Variants in FBXO16 observed in about 807,000 individuals in gnomAD.
FBXO16 encodes F-box protein 16, also known as F-box only protein 16.
FBXO16 carries 31 observed loss-of-function variants against 41.0 expected under a neutral mutation model. That is an observed-to-expected ratio of 0.76 (90% CI 0.57 to 1.02). The LOEUF (loss-of-function observed/expected upper bound fraction) is 1.02, where lower values mean the gene tolerates loss of function less well. Ranked by LOEUF, FBXO16 falls within the 50% of genes least tolerant of loss-of-function variation. The pLI, the probability that FBXO16 is intolerant of heterozygous loss-of-function variation, is 0.00. For missense variants in FBXO16, 361 were observed against 346.2 expected (o/e 1.04, Z -0.34); for synonymous variants, 133 against 117.8 (o/e 1.13, Z -0.84).
chr8:28,452,498 T>C (rs752459879), intron 5 of FBXO16, 22 bp from the exon 6 acceptor site: 84 of 1,610,438 alleles, frequency 5.2e-5, no homozygotes, highest in Non-Finnish European at 6.8e-5. Flanking sequence ...AAGTTAATTA[T>C]GTTCTCAAAA....
chr8:28,475,969 A>T (rs1235204183), intron 2 of FBXO16, among the ~76,000 whole-genome samples: 2 of 152,230 alleles, frequency 1.3e-5, no homozygotes, highest in African/African-American at 4.8e-5. Flanking sequence ...CTGTGTGTTC[A>T]GCTCAACACT....
chr8:28,449,980 G>GAAA (rs1278726556), intron 6 of FBXO16, among the ~76,000 whole-genome samples: 1 of 82,406 alleles, frequency 1.2e-5, no homozygotes, highest in East Asian at 4.9e-4. Flanking sequence ...AAAAAAAAAA[G>GAAA]AAAAAAAAAA....
intron 3 of FBXO16, among the ~76,000 whole-genome samples, chr8:28,469,125 A>G (rs929020687): frequency 6.6e-6 from 1 of 151,892 alleles, no homozygotes; most frequent in Non-Finnish European, 1.5e-5. Context: ...CCTGACCAAC[A>G]TGGAGAAACC....
rs34429050 is a variant in FBXO16, at chr8:28,460,245, A to ATTT, written c.343-3318_343-3316dup. 3.6e-3 allele frequency among the ~76,000 whole-genome samples: 306 copies of ATTT among 85,448 alleles called. 16 individuals carry two copies. The highest frequency in any genetic ancestry group is 0.017 in the African/African-American group (272 of 15,820). The allele number at this position is 85,448 out of a possible 152,430, so 56.1% of individuals were successfully genotyped here. On this transcript the variant is annotated intron_variant, in intron 4 of 8. Coordinates refer to ENST00000380254, the MANE Select transcript of FBXO16 (RefSeq NM_172366.4). Reference sequence around the variant, plus strand: ...TGTGTGTATATATATATATATATATATTTTTTTTTTTTTTTTTTTTTGAGA... The same window carrying ATTT: ...TGTGTGTATATATATATATATATATATTTTTTTTTTTTTTTTTTTTTTTTGAGA...
At chr8:28,483,957 G>T (rs551221529) in intron 1 of FBXO16, among the ~76,000 whole-genome samples, 15 of 152,332 alleles carry the variant, frequency 9.8e-5, no homozygotes, top group South Asian at 6.2e-4. Context: ...CTCCTCAATG[G>T]AAGTGCACAA....
intron 7 of FBXO16, among the ~76,000 whole-genome samples, chr8:28,436,889 C>T (rs1461571004): frequency 1.3e-5 from 2 of 152,150 alleles, no homozygotes; most frequent in African/African-American, 4.8e-5. Context: ...GTAGCTGGGA[C>T]CACAGGTGTG....
chr8:28,473,552 G>C (rs7007215), intron 3 of FBXO16, among the ~76,000 whole-genome samples: 9,155 of 152,196 alleles, frequency 0.06, 338 homozygotes, highest in African/African-American at 0.1. Context: ...TCTATGAAGA[G>C]AGGCCTCAGC....
intron 4 of FBXO16, 58 bp from the exon 5 acceptor site, chr8:28,456,988 G>A: frequency 1.3e-6 from 2 of 1,547,988 alleles, no homozygotes. Flanking sequence ...CAGTTTACAT[G>A]CCCACTTTCT....
intron 7 of FBXO16, among the ~76,000 whole-genome samples, chr8:28,439,851 CAGAA>C (rs1802740397): frequency 1.1e-5 from 1 of 88,324 alleles, no homozygotes; most frequent in African/African-American, 5.2e-5. Context: ...GAAGCTTCTG[CAGAA>C]ACTCTGTTCT....
intron 1 of FBXO16, among the ~76,000 whole-genome samples, chr8:28,485,465 G>A (rs554257441): frequency 6.6e-6 from 1 of 152,282 alleles, no homozygotes; most frequent in South Asian, 2.1e-4. Flanking sequence ...AAGCCACTGT[G>A]CCCGACCTTT....
intron 7 of FBXO16, among the ~76,000 whole-genome samples, chr8:28,434,841 C>T (rs112767376): frequency 8.4e-4 from 128 of 152,352 alleles, no homozygotes; most frequent in African/African-American, 2.7e-3. Context: ...GAGCAAGCTC[C>T]GTGCAGGGCC....
intron 3 of FBXO16, among the ~76,000 whole-genome samples, chr8:28,468,179 G>A (rs1316768739): frequency 1.3e-5 from 2 of 152,148 alleles, no homozygotes; most frequent in Non-Finnish European, 2.9e-5. Flanking sequence ...ATGAGATTGG[G>A]GGACCGTCAG....
At chr8:28,461,034 T>TA (rs1803125765) in intron 4 of FBXO16, among the ~76,000 whole-genome samples, 1 of 151,780 alleles carries the variant, frequency 6.6e-6, no homozygotes, top group African/African-American at 2.4e-5. Context: ...TGCCTGGCCG[T>TA]ATATATTCTT....
chr8:28,456,357 T>A (rs1317927236), intron 5 of FBXO16, among the ~76,000 whole-genome samples: 1 of 152,176 alleles, frequency 6.6e-6, no homozygotes, highest in African/African-American at 2.4e-5. Flanking sequence ...GATACAAAAA[T>A]AAACTTCAGC....
chr8:28,456,535 C>T (rs1803041172), intron 5 of FBXO16: 1 of 455,032 alleles, frequency 2.2e-6, no homozygotes, highest in African/African-American at 2.0e-5. Context: ...TTCCATGGTC[C>T]TAACCGCCGG....
intron 4 of FBXO16, among the ~76,000 whole-genome samples, chr8:28,459,619 T>C (rs983729192): frequency 1.0e-5 from 1 of 99,128 alleles, no homozygotes; most frequent in African/African-American, 4.1e-5. Flanking sequence ...AGACCCTGTC[T>C]CAAAAATAAT....
chr8:28,451,588 A>G (rs1802954357), intron 6 of FBXO16, among the ~76,000 whole-genome samples: 1 of 151,860 alleles, frequency 6.6e-6, no homozygotes. Context: ...AGTAAATCTA[A>G]TGAGTGTCAG....
At chr8:28,452,803 AAAAACAAAAC>A (rs761550556) in intron 5 of FBXO16, among the ~76,000 whole-genome samples, 1 of 152,154 alleles carries the variant, frequency 6.6e-6, no homozygotes, top group Non-Finnish European at 1.5e-5. Flanking sequence ...CTCCATCTCA[AAAAACAAAAC>A]AAAACAAAAC....
intron 7 of FBXO16, 29 bp from the exon 8 acceptor site, chr8:28,429,432 T>C (rs1267808915): frequency 6.2e-7 from 1 of 1,613,116 alleles, no homozygotes; most frequent in Admixed American, 1.7e-5. Flanking sequence ...GGGAAGAGAA[T>C]GGAGAGAGGA....
Sources: allele counts gnomAD v4.1 joint callset (sites outside exome capture counted in the v4.1 genomes callset), GRCh38; gene constraint gnomAD v4.1.1; transcripts MANE v1.5; gene names NCBI Gene and HGNC (gene_info 2026-07-23, HGNC 2026-07-21).